The following LRRTM4 variants were observed in gnomAD, a reference collection of about 807,000 sequenced individuals.
LRRTM4 encodes leucine-rich repeat transmembrane neuronal protein 4.
In LRRTM4, 25 loss-of-function variants were observed where a neutral mutation model predicts 47.6. The observed-to-expected ratio is 0.53, with a 90% CI of 0.38 to 0.73. LRRTM4 has a LOEUF of 0.73. Among genes scored for constraint, LRRTM4 ranks in the 30% least tolerant of loss-of-function variants. The pLI is 0.00. For synonymous variants in LRRTM4, 311 were observed against 269.5 expected (o/e 1.15, Z -1.51); for missense variants, 638 against 713.4 (o/e 0.89, Z 1.20).
chr2:77,261,967 C>A (rs1675929614), intron 3 of LRRTM4, among the ~76,000 whole-genome samples: 1 of 151,100 alleles, frequency 6.6e-6, no homozygotes, highest in African/African-American at 2.5e-5. Context: ...GTATTTACAG[C>A]CATTCCCCAG....
chr2:77,171,951 A>G (rs1279248879), intron 3 of LRRTM4, among the ~76,000 whole-genome samples: 6 of 152,308 alleles, frequency 3.9e-5, no homozygotes, highest in Middle Eastern at 3.4e-3. Flanking sequence ...ACAGTTATAC[A>G]TGAATGAATC....
chr2:76,986,237 C>T (rs1003159370), intron 3 of LRRTM4, among the ~76,000 whole-genome samples: 1 of 149,972 alleles, frequency 6.7e-6, no homozygotes, highest in Non-Finnish European at 1.5e-5. Flanking sequence ...AAATTCTGTT[C>T]TTTTAGTTGT....
intron 3 of LRRTM4, among the ~76,000 whole-genome samples, chr2:76,832,638 C>T (rs1671387976): frequency 6.6e-6 from 1 of 151,912 alleles, no homozygotes; most frequent in Non-Finnish European, 1.5e-5. Context: ...GAGCTTATCT[C>T]CATACCTAGA....
At chr2:76,891,594 T>C (rs1312972827) in intron 3 of LRRTM4, among the ~76,000 whole-genome samples, 1 of 151,758 alleles carries the variant, frequency 6.6e-6, no homozygotes, top group African/African-American at 2.4e-5. Flanking sequence ...TTTAGCATTA[T>C]AAAAGTAACA....
At chr2:76,915,766 A>G (rs889495995) in intron 3 of LRRTM4, among the ~76,000 whole-genome samples, 7 of 152,102 alleles carry the variant, frequency 4.6e-5, no homozygotes, top group Non-Finnish European at 8.8e-5. Flanking sequence ...AAATAAAGAA[A>G]CATTTTGAGA....
chr2:77,321,861 T>C (rs1396099803), intron 3 of LRRTM4, among the ~76,000 whole-genome samples: 3 of 152,128 alleles, frequency 2.0e-5, no homozygotes, highest in African/African-American at 7.2e-5. Context: ...TTTGACCTAA[T>C]GAATTATAAA....
At chr2:77,432,401 G>C (rs1675417252) in intron 3 of LRRTM4, among the ~76,000 whole-genome samples, 1 of 152,186 alleles carries the variant, frequency 6.6e-6, no homozygotes, top group African/African-American at 2.4e-5. Flanking sequence ...GAAAGCAGTA[G>C]CTATGATTAT....
rs549664258 is a variant in LRRTM4, at chr2:77,269,627, G to GA, written c.1551+248690dup. 2.1e-3 allele frequency among the ~76,000 whole-genome samples: 326 copies of GA among 151,992 alleles called. 5 individuals are homozygous for GA. The highest frequency in any genetic ancestry group is 6.4e-3 in the African/African-American group (264 of 41,516). ...GATAATCACTAATAATTTAATGAAAGAAAAAAAGGTTTTAGTTATACAGAG... is the reference window on the plus strand; with the variant it reads ...GATAATCACTAATAATTTAATGAAAGAAAAAAAAGGTTTTAGTTATACAGAG... On this transcript the variant is annotated intron_variant, in intron 3 of 3. Transcript: ENST00000409884.
chr2:76,762,933 TC>T (rs2104087748), intron 3 of LRRTM4, among the ~76,000 whole-genome samples: 1 of 152,310 alleles, frequency 6.6e-6, no homozygotes, highest in South Asian at 2.1e-4. Context: ...TTCACTTCTA[TC>T]CCCTTGATGG....
chr2:76,805,592 CTTAA>C (rs1458995480), intron 3 of LRRTM4, among the ~76,000 whole-genome samples: 1 of 152,132 alleles, frequency 6.6e-6, no homozygotes, highest in Non-Finnish European at 1.5e-5. Flanking sequence ...GAAGCATATA[CTTAA>C]TTGAGTGTTC....
chr2:76,814,752 G>T (rs1670849085), intron 3 of LRRTM4, among the ~76,000 whole-genome samples: 1 of 151,488 alleles, frequency 6.6e-6, no homozygotes, highest in African/African-American at 2.4e-5. Context: ...GATACAAAGG[G>T]ATGACTGTAA....
Position 77,513,481 on chromosome 2 carries a change from T to C in LRRTM4, c.1551+4837A>G, listed in dbSNP as rs183716746. Among the ~76,000 whole-genome samples, 9 of 152,304 alleles carry C rather than the reference T, an allele frequency of 5.9e-5. No individual in the cohort carries two copies. The East Asian group carries it at 1.5e-3, about 26-fold the overall frequency. On this transcript the variant is annotated intron_variant, in intron 3 of 3. Transcript: ENST00000409884. ...TAAAGCAACACAAAAAATGGCAATATGTAGTACAAATACAGACTTGACTAT... is the reference window on the plus strand; with the variant it reads ...TAAAGCAACACAAAAAATGGCAATACGTAGTACAAATACAGACTTGACTAT...
intron 3 of LRRTM4, among the ~76,000 whole-genome samples, chr2:76,988,723 G>C (rs937293281): frequency 6.6e-6 from 1 of 151,602 alleles, no homozygotes; most frequent in African/African-American, 2.4e-5. Context: ...AAGAACTCTC[G>C]TCAGTTCCAT....
In LRRTM4 at chr2:77,140,180, C is replaced by G. The variant is rs977089982; in HGVS notation, c.1551+378138G>C. Reference sequence around the variant, plus strand: ...CCTCATTGCCAAGACAATCCTAAACCAAAAGAACAAAGCTGGAGGCATCAT... The same window carrying G: ...CCTCATTGCCAAGACAATCCTAAACGAAAAGAACAAAGCTGGAGGCATCAT... On this transcript the variant is annotated intron_variant, in intron 3 of 3. Coordinates refer to ENST00000409884, the MANE Select transcript of LRRTM4 (RefSeq NM_001134745.3). Among the ~76,000 whole-genome samples, 18 of 151,994 alleles carry G rather than the reference C, an allele frequency of 1.2e-4. 1 individual carries two copies. The highest frequency in any genetic ancestry group is 2.2e-4 in the Non-Finnish European group (15 of 67,976).
At chr2:77,264,442 C>T (rs985667084) in intron 3 of LRRTM4, among the ~76,000 whole-genome samples, 2 of 152,076 alleles carry the variant, frequency 1.3e-5, no homozygotes, top group Admixed American at 1.3e-4. Context: ...CATTTAACCT[C>T]AGTGACTTCT....
intron 3 of LRRTM4, among the ~76,000 whole-genome samples, chr2:77,334,659 T>A (rs999268622): frequency 6.6e-6 from 1 of 152,176 alleles, no homozygotes; most frequent in African/African-American, 2.4e-5. Flanking sequence ...AATTGCCCAG[T>A]CTTAGGCATG....
intron 3 of LRRTM4, among the ~76,000 whole-genome samples, chr2:76,824,429 TG>T (rs1671137020): frequency 6.6e-6 from 1 of 151,588 alleles, no homozygotes; most frequent in African/African-American, 2.4e-5. Flanking sequence ...GTTCAACCAA[TG>T]AATTATAGCC....
chr2:76,937,577 T>C (rs1490452424), intron 3 of LRRTM4, among the ~76,000 whole-genome samples: 1 of 152,184 alleles, frequency 6.6e-6, no homozygotes, highest in Non-Finnish European at 1.5e-5. Context: ...TTCTTTTGTG[T>C]GTATGTGTGT....
intron 3 of LRRTM4, among the ~76,000 whole-genome samples, chr2:77,303,163 C>A (rs1677176785): frequency 6.6e-6 from 1 of 151,916 alleles, no homozygotes; most frequent in African/African-American, 2.4e-5. Flanking sequence ...AATTTTTAGT[C>A]ATCTGCTTAA....
Sources: allele counts gnomAD v4.1 joint callset (sites outside exome capture counted in the v4.1 genomes callset), GRCh38; gene constraint gnomAD v4.1.1; transcripts MANE v1.5; gene names NCBI Gene and HGNC (gene_info 2026-07-23, HGNC 2026-07-21).